Variants in NKD1 observed in about 807,000 individuals in gnomAD.
NKD1 encodes protein naked cuticle homolog 1.
In NKD1, 21 loss-of-function variants were observed where a neutral mutation model predicts 56.0. That is an observed-to-expected ratio of 0.38 (90% CI 0.27 to 0.54). The LOEUF (loss-of-function observed/expected upper bound fraction) is 0.54, where lower values mean the gene tolerates loss of function less well. NKD1 is among the 20% of genes least tolerant of loss of function. The probability of loss-of-function intolerance (pLI) is 0.82; values close to 1 mark genes in which losing one functional copy is unlikely to be tolerated. For synonymous variants in NKD1, 263 were observed against 265.7 expected, an observed-to-expected ratio of 0.99 and a Z score of 0.10; for missense variants, 578 against 642.7, an observed-to-expected ratio of 0.90 and a Z score of 1.09.
chr16:50,576,609 T>C lies in NKD1; in HGVS notation c.192+27054T>C, dbSNP rs576219291. Among the ~76,000 whole-genome samples the C allele has an allele frequency of 2.6e-3, 393 of 152,262 alleles. 2 individuals are homozygous for C. Among genetic ancestry groups the C allele is most frequent in the African/African-American group, 9.1e-3 (379 of 41,540 alleles). Reference sequence around the variant, plus strand: ...TGGCCTGAGAGCTGCTGCAGGAAACTTGGGGAGATTGTGGGTATGCCTGTG... The same window carrying C: ...TGGCCTGAGAGCTGCTGCAGGAAACCTGGGGAGATTGTGGGTATGCCTGTG... On this transcript the variant is annotated intron_variant, in intron 3 of 9. Coordinates refer to ENST00000268459, the MANE Select transcript of NKD1 (RefSeq NM_033119.5).
chr16:50,568,341 T>C (rs560459621), intron 3 of NKD1, among the ~76,000 whole-genome samples: 1 of 152,276 alleles, frequency 6.6e-6, no homozygotes, highest in East Asian at 1.9e-4. Flanking sequence ...CTGAGAGTGG[T>C]AGGCCAGCCT....
At chr16:50,573,560 T>G (rs1286964048) in intron 3 of NKD1, among the ~76,000 whole-genome samples, 1 of 152,248 alleles carries the variant, frequency 6.6e-6, no homozygotes, top group Non-Finnish European at 1.5e-5. Flanking sequence ...TTCTGGGTTC[T>G]GCATCTTGGC....
At chr16:50,583,087 AG>A (rs1453074322) in intron 3 of NKD1, among the ~76,000 whole-genome samples, 1 of 152,200 alleles carries the variant, frequency 6.6e-6, no homozygotes, top group African/African-American at 2.4e-5. Context: ...GGCCGCGTGT[AG>A]GAGGTGAGAG....
chr16:50,584,316 G>A (rs145617064), intron 3 of NKD1, among the ~76,000 whole-genome samples: 1,610 of 152,286 alleles, frequency 0.011, 34 homozygotes, highest in African/African-American at 0.037. Flanking sequence ...ATTCACTACC[G>A]TCCCGTCTGC....
intron 8 of NKD1, among the ~76,000 whole-genome samples, chr16:50,631,401 A>G (rs190832793): frequency 1.1e-4 from 16 of 152,282 alleles, no homozygotes; most frequent in Non-Finnish European, 4.4e-5. Flanking sequence ...GGAAGGGAGG[A>G]AAGGAAAGAG....
chr16:50,574,428 G>A, intron 3 of NKD1: 2 of 985,392 alleles, frequency 2.0e-6, no homozygotes, highest in Non-Finnish European at 2.4e-6. Context: ...TCTTCCCCCA[G>A]GGACTAAATT....
chr16:50,566,535 C>A (rs1596709610), intron 3 of NKD1, among the ~76,000 whole-genome samples: 2 of 152,226 alleles, frequency 1.3e-5, no homozygotes, highest in East Asian at 3.8e-4. Flanking sequence ...TGGGATCACC[C>A]CCGTCCCCGC....
At chr16:50,560,821 C>CTTATCTAT (rs1409879459) in intron 3 of NKD1, among the ~76,000 whole-genome samples, 7 of 49,704 alleles carry the variant, frequency 1.4e-4, no homozygotes, top group African/African-American at 4.4e-4. Context: ...TATACCCAAA[C>CTTATCTAT]CCATCTATCT....
intron 3 of NKD1, among the ~76,000 whole-genome samples, chr16:50,580,929 A>T (rs1338594156): frequency 6.6e-6 from 1 of 152,174 alleles, no homozygotes; most frequent in East Asian, 1.9e-4. Flanking sequence ...CTTTTAAATA[A>T]ATGTTTCTAT....
intron 3 of NKD1, among the ~76,000 whole-genome samples, chr16:50,596,749 A>T (rs1177494205): frequency 6.6e-6 from 1 of 152,228 alleles, no homozygotes; most frequent in African/African-American, 2.4e-5. Context: ...CCAGAGATAA[A>T]TAAGGGATTG....
At chr16:50,600,472 A>C (rs1596732711) in intron 3 of NKD1, among the ~76,000 whole-genome samples, 1 of 151,942 alleles carries the variant, frequency 6.6e-6, no homozygotes, top group East Asian at 1.9e-4. Flanking sequence ...TAAGAACCAA[A>C]CCAAACCAAA....
At chr16:50,564,023 CG>C (rs1351897859) in intron 3 of NKD1, among the ~76,000 whole-genome samples, 1 of 152,252 alleles carries the variant, frequency 6.6e-6, no homozygotes, top group African/African-American at 2.4e-5. Context: ...GGCAGGGAGG[CG>C]TCAAAGGAGT....
In NKD1 at chr16:50,623,386, C is replaced by G. The variant is rs1388495972; in HGVS notation, c.366+1678C>G. On this transcript the variant is annotated intron_variant, in intron 5 of 9. Coordinates refer to ENST00000268459, the MANE Select transcript of NKD1 (RefSeq NM_033119.5). The surrounding 1 kb of genome is among the most constrained non-coding windows in gnomAD (Gnocchi z 4.1). Reference sequence around the variant, plus strand: ...AGGTAGTATCTAGTAGGAGTTAGGGCTGCCAGCTTCTTCCTGGAGCCCAGC... The same window carrying G: ...AGGTAGTATCTAGTAGGAGTTAGGGGTGCCAGCTTCTTCCTGGAGCCCAGC... Among the ~76,000 whole-genome samples, 1 of 152,124 alleles carries G rather than the reference C, an allele frequency of 6.6e-6. No homozygotes were observed. The highest frequency in any genetic ancestry group is 1.5e-5 in the Non-Finnish European group (1 of 68,010).
rs376633754 is a variant in NKD1, at chr16:50,632,443, G to T, written c.823+35G>T. On this transcript the variant is annotated intron_variant, in intron 9 of 9. Coordinates refer to ENST00000268459, the MANE Select transcript of NKD1 (RefSeq NM_033119.5). The surrounding 1 kb of genome is among the most constrained non-coding windows in gnomAD (Gnocchi z 4.1). ...TCAAGCACCCTGCAATGGGCGATGAGGGCAGGGCGTGGCTGGACGGGCCAG... is the reference window on the plus strand; with the variant it reads ...TCAAGCACCCTGCAATGGGCGATGATGGCAGGGCGTGGCTGGACGGGCCAG... 35 of 1,612,816 alleles carry T rather than the reference G, an allele frequency of 2.2e-5. No individual in the cohort carries two copies. The highest frequency in any genetic ancestry group is 2.9e-5 in the Non-Finnish European group (34 of 1,179,076).
At position 50,632,462 on chromosome 16, in the gene NKD1, G is replaced by T. The variant is rs192682709; in HGVS notation, c.823+54G>T. Reference sequence around the variant, plus strand: ...CGATGAGGGCAGGGCGTGGCTGGACGGGCCAGGCGGGCCGTGCGGGTGGTG... The same window carrying T: ...CGATGAGGGCAGGGCGTGGCTGGACTGGCCAGGCGGGCCGTGCGGGTGGTG... On this transcript the variant is annotated intron_variant, in intron 9 of 9. Transcript: ENST00000268459. This position sits in a 1 kb window ranked among gnomAD's most constrained non-coding sequence, Gnocchi z 4.1. The T allele has an allele frequency of 7.8e-5, 125 of 1,597,578 alleles. No individual in the cohort carries two copies. The African/African-American group carries it at 9.5e-4, about 12-fold the overall frequency.
At chr16:50,605,139 G>A (rs1049608315) in intron 3 of NKD1, among the ~76,000 whole-genome samples, 1 of 152,206 alleles carries the variant, frequency 6.6e-6, no homozygotes, top group Non-Finnish European at 1.5e-5. Context: ...TCCAAAGGGG[G>A]TCTCACAGCC....
In NKD1 at chr16:50,640,578, A is replaced by G. The variant is rs1230203967; in HGVS notation, c.*6797A>G. On this transcript the variant is annotated 3_prime_UTR_variant, in exon 10 of 10. Coordinates refer to ENST00000268459, the MANE Select transcript of NKD1 (RefSeq NM_033119.5). ...GGGCATGGCATGTAGTGGGTGGTTA[A>G]TGAATGGAAGAGAGGGAATGAGTGA... 1 of 152,186 alleles carries G rather than the reference A, an allele frequency of 6.6e-6. No homozygotes were observed. Among genetic ancestry groups the G allele is most frequent in the Non-Finnish European group, 1.5e-5 (1 of 68,024 alleles). 9.4% of individuals were successfully genotyped at this position (152,186 alleles called of 1,614,324 possible).
intron 2 of NKD1, 188 bp downstream of exon 2, chr16:50,548,937 C>T (rs377328768): frequency 2.1e-6 from 2 of 957,230 alleles, no homozygotes; most frequent in African/African-American, 1.8e-5. Flanking sequence ...ACCCGCTCCC[C>T]GCGGTCCTGC....
At chr16:50,608,571 GT>G in intron 4 of NKD1, 1 of 593,184 alleles carries the variant, frequency 1.7e-6, no homozygotes, top group Non-Finnish European at 3.1e-6. Context: ...CCAGGTGGGG[GT>G]CCGGTCACCT....
Sources: allele counts gnomAD v4.1 joint callset (sites outside exome capture counted in the v4.1 genomes callset), GRCh38; gene constraint gnomAD v4.1.1; non-coding constraint Gnocchi (gnomAD v3.1); transcripts MANE v1.5; gene names NCBI Gene and HGNC (gene_info 2026-07-23, HGNC 2026-07-21).